Variants in HCRTR2 observed in about 807,000 individuals in gnomAD.
The protein encoded by HCRTR2 is orexin receptor type 2.
HCRTR2 carries 22 observed loss-of-function variants against 49.0 expected under a neutral mutation model. The observed-to-expected ratio is 0.45, with a 90% confidence interval of 0.32 to 0.64. The LOEUF (loss-of-function observed/expected upper bound fraction) is 0.64, where lower values mean the gene tolerates loss of function less well. Among genes scored for constraint, HCRTR2 ranks in the 30% least tolerant of loss-of-function variants. The pLI is 0.04. For missense variants in HCRTR2, 491 were observed against 559.4 expected (o/e 0.88, Z 1.23); for synonymous variants, 236 against 205.3 (o/e 1.15, Z -1.28).
intron 1 of HCRTR2, among the ~76,000 whole-genome samples, chr6:55,217,902 G>A (rs1268975360): frequency 6.6e-6 from 1 of 152,138 alleles, no homozygotes; most frequent in Non-Finnish European, 1.5e-5. Context: ...ACCAAAGCCT[G>A]TATTAGGGTT....
intron 1 of HCRTR2, among the ~76,000 whole-genome samples, chr6:55,161,992 C>A (rs1365937289): frequency 6.6e-6 from 1 of 152,138 alleles, no homozygotes; most frequent in Non-Finnish European, 1.5e-5. Flanking sequence ...ATGAGGCTGG[C>A]ATCATCCTGA....
intron 1 of HCRTR2, among the ~76,000 whole-genome samples, chr6:55,162,137 C>G (rs1764814610): frequency 6.6e-6 from 1 of 152,146 alleles, no homozygotes; most frequent in Non-Finnish European, 1.5e-5. Flanking sequence ...AGCTTATCCA[C>G]CACGATCAAG....
In HCRTR2 at chr6:55,248,904, G is replaced by C. The variant is rs1035110250; in HGVS notation, c.402+87G>C. The C allele has an allele frequency of 1.0e-5, 11 of 1,105,254 alleles. No individual in the cohort carries two copies. In the African/African-American group the frequency reaches 1.2e-4, roughly 12 times the overall value. 68.5% of individuals were successfully genotyped at this position (1,105,254 alleles called of 1,614,324 possible). On this transcript the variant is annotated intron_variant, in intron 2 of 6. Transcript: ENST00000370862. ...CTTATGGTAAATTAACTAGTGAGTT[G>C]AGAAATATATTTGCCTAAGGCATTG...
At chr6:55,212,732 A>G (rs574966099) in intron 1 of HCRTR2, among the ~76,000 whole-genome samples, 1 of 152,198 alleles carries the variant, frequency 6.6e-6, no homozygotes, top group African/African-American at 2.4e-5. Flanking sequence ...ACCCTGAGAC[A>G]TAATTTATCT....
At chr6:55,263,645 T>C (rs1034446119) in intron 3 of HCRTR2, 62 bp from the exon 4 acceptor site, 1 of 837,328 alleles carries the variant, frequency 1.2e-6, no homozygotes, top group Admixed American at 1.9e-5. Flanking sequence ...CATTGACATG[T>C]ATCTTTTTTA....
chr6:55,268,873 G>A (rs958193477), intron 4 of HCRTR2, among the ~76,000 whole-genome samples: 5 of 151,766 alleles, frequency 3.3e-5, no homozygotes, highest in Non-Finnish European at 5.9e-5. Context: ...GGTGGATCAC[G>A]AGGTCAGAAG....
At chr6:55,154,007 A>G (rs895683498) in intron 1 of HCRTR2, among the ~76,000 whole-genome samples, 1 of 151,828 alleles carries the variant, frequency 6.6e-6, no homozygotes, top group African/African-American at 2.4e-5. Flanking sequence ...ACTATACACC[A>G]ATAAATTGGA....
At chr6:55,136,234 T>A (rs1344663467) in intron 1 of HCRTR2, among the ~76,000 whole-genome samples, 1 of 152,142 alleles carries the variant, frequency 6.6e-6, no homozygotes, top group Admixed American at 6.5e-5. Flanking sequence ...ATGAAAAATA[T>A]ATAGACAATT....
At chr6:55,154,089 AG>A (rs961464918) in intron 1 of HCRTR2, among the ~76,000 whole-genome samples, 16 of 152,018 alleles carry the variant, frequency 1.1e-4, no homozygotes, top group Admixed American at 1.1e-3. Context: ...AGAAATAGAA[AG>A]CCTGAACATA....
chr6:55,154,677 A>AAAAT (rs905988626), intron 1 of HCRTR2, among the ~76,000 whole-genome samples: 4 of 148,732 alleles, frequency 2.7e-5, no homozygotes, highest in Non-Finnish European at 4.5e-5. Context: ...CAATTGGGCA[A>AAAAT]AAATAAATAA....
intron 1 of HCRTR2, among the ~76,000 whole-genome samples, chr6:55,181,462 T>C (rs1325576164): frequency 6.6e-6 from 1 of 152,206 alleles, no homozygotes; most frequent in Non-Finnish European, 1.5e-5. Flanking sequence ...TCTTTATTTC[T>C]AAAAAATGTT....
At chr6:55,267,260 C>A (rs372782909) in intron 4 of HCRTR2, among the ~76,000 whole-genome samples, 1 of 152,050 alleles carries the variant, frequency 6.6e-6, no homozygotes, top group Non-Finnish European at 1.5e-5. Flanking sequence ...TGCATGAAAT[C>A]TGTTATGTAC....
intron 4 of HCRTR2, among the ~76,000 whole-genome samples, chr6:55,273,014 T>C (rs1767004013): frequency 6.6e-6 from 1 of 152,050 alleles, no homozygotes; most frequent in African/African-American, 2.4e-5. Flanking sequence ...AGTGGAGCTA[T>C]TCATAGTGAG....
At chr6:55,112,405 A>G (rs1764060853) in intron 1 of HCRTR2, among the ~76,000 whole-genome samples, 1 of 151,914 alleles carries the variant, frequency 6.6e-6, no homozygotes, top group Non-Finnish European at 1.5e-5. Flanking sequence ...CTAAAAACTC[A>G]TCTTAAAAGC....
At chr6:55,153,877 CAA>C (rs1194999938) in intron 1 of HCRTR2, among the ~76,000 whole-genome samples, 1 of 151,252 alleles carries the variant, frequency 6.6e-6, no homozygotes, top group East Asian at 1.9e-4. Flanking sequence ...AAAAGACAAA[CAA>C]AATTAACAAA....
At chr6:55,250,913 G>C (rs917146566) in intron 2 of HCRTR2, among the ~76,000 whole-genome samples, 7 of 152,092 alleles carry the variant, frequency 4.6e-5, no homozygotes, top group Non-Finnish European at 8.8e-5. Flanking sequence ...AGATCCATTT[G>C]TTACCCCATC....
intron 1 of HCRTR2, among the ~76,000 whole-genome samples, chr6:55,189,957 C>A (rs1344683032): frequency 2.0e-5 from 3 of 152,074 alleles, no homozygotes; most frequent in Non-Finnish European, 4.4e-5. Flanking sequence ...TACCCACGTG[C>A]AGTTGTCCAG....
At chr6:55,261,291 C>T (rs2127321124) in intron 3 of HCRTR2, among the ~76,000 whole-genome samples, 1 of 151,984 alleles carries the variant, frequency 6.6e-6, no homozygotes, top group South Asian at 2.1e-4. Flanking sequence ...CATGAATAGA[C>T]AATTCTCAAA....
intron 1 of HCRTR2, among the ~76,000 whole-genome samples, chr6:55,194,105 A>G (rs1218591060): frequency 6.6e-6 from 1 of 152,204 alleles, no homozygotes; most frequent in African/African-American, 2.4e-5. Flanking sequence ...CAAAAAACAA[A>G]AATAAACATT....
Sources: gnomAD v4.1 joint callset for allele counts (sites outside exome capture counted in the v4.1 genomes callset) on GRCh38, gnomAD v4.1.1 for gene constraint, MANE v1.5 for transcripts, NCBI Gene and HGNC (gene_info 2026-07-23, HGNC 2026-07-21) for gene names.